Variants in DLG2 observed in about 807,000 individuals in gnomAD.
The protein encoded by DLG2 is disks large homolog 2.
DLG2 carries 45 observed loss-of-function variants against 132.5 expected under a neutral mutation model. The ratio of observed to expected loss-of-function variants is 0.34; its 90% CI spans 0.27 to 0.44. DLG2 has a LOEUF of 0.44. Among genes scored for constraint, DLG2 ranks in the 20% least tolerant of loss-of-function variants. The pLI, the probability that DLG2 is intolerant of heterozygous loss-of-function variation, is 1.00. For synonymous variants in DLG2, 424 were observed against 419.6 expected (o/e 1.01, Z -0.13); for missense variants, 1,045 against 1,196.9 (o/e 0.87, Z 1.87).
intron 6 of DLG2, among the ~76,000 whole-genome samples, chr11:84,661,743 G>A (rs2154548033): frequency 6.6e-6 from 1 of 152,210 alleles, no homozygotes; most frequent in South Asian, 2.1e-4. Flanking sequence ...GATTCAGAGA[G>A]ACTGAGAGAG....
intron 22 of DLG2, among the ~76,000 whole-genome samples, chr11:83,474,332 G>A (rs1359132099): frequency 4.6e-5 from 7 of 152,106 alleles, no homozygotes; most frequent in African/African-American, 1.4e-4. Flanking sequence ...AAGCCTGAGC[G>A]ATGTAGAGGG....
chr11:83,811,264 C>T (rs971189403), intron 17 of DLG2, among the ~76,000 whole-genome samples: 1 of 152,018 alleles, frequency 6.6e-6, no homozygotes, highest in African/African-American at 2.4e-5. Flanking sequence ...GTTTAAGCAC[C>T]CTTTTCAAAT....
rs200672667 is a variant in DLG2 at position 83,794,437 on chromosome 11, GTTTTTTTTT to G, written c.1723-7654_1723-7646del. 3.9e-5 allele frequency among the ~76,000 whole-genome samples: 5 copies of G among 127,498 alleles called. No homozygotes were observed. The East Asian group carries it at 9.6e-4, about 24-fold the overall frequency. The allele number at this position is 127,498 out of a possible 152,430, so 83.6% of individuals were successfully genotyped here. A position where few individuals can be genotyped will look rare whatever the true frequency, so the allele number is the denominator to read the frequency against. On this transcript the variant is annotated intron_variant, in intron 17 of 27. Transcript: ENST00000376104. ...ACACAGCCTCATATATTTACTATTG[GTTTTTTTTT>G]TTTTTTTTTTTTTTTTTGCTTCAGT...
At chr11:85,274,594 AG>A (rs2077767468) in intron 4 of DLG2, among the ~76,000 whole-genome samples, 1 of 152,178 alleles carries the variant, frequency 6.6e-6, no homozygotes, top group Non-Finnish European at 1.5e-5. Flanking sequence ...CTCCAAATGA[AG>A]GGTTCACAAG....
At chr11:85,220,637 A>T (rs11234322) in intron 4 of DLG2, among the ~76,000 whole-genome samples, 20,352 of 148,226 alleles carry the variant, frequency 0.14, 1,765 homozygotes, top group African/African-American at 0.25. Context: ...TAGAAAAAAA[A>T]ATATATATAT....
intron 7 of DLG2, among the ~76,000 whole-genome samples, chr11:84,270,564 G>A (rs1321512844): frequency 1.3e-5 from 2 of 152,160 alleles, no homozygotes; most frequent in Non-Finnish European, 2.9e-5. Context: ...ATCATGACTT[G>A]AGATTTTATG....
chr11:85,375,050 C>T (rs768510686), intron 3 of DLG2, among the ~76,000 whole-genome samples: 13 of 151,840 alleles, frequency 8.6e-5, no homozygotes, highest in Non-Finnish European at 1.9e-4. Flanking sequence ...CTTCTTTATT[C>T]CTTTTCATTT....
At chr11:84,631,016 T>TCACACA (rs1465732821) in intron 6 of DLG2, among the ~76,000 whole-genome samples, 1 of 122,492 alleles carries the variant, frequency 8.2e-6, no homozygotes, top group African/African-American at 3.6e-5. Flanking sequence ...TCTCTCTCTC[T>TCACACA]CTCACACACA....
intron 6 of DLG2, chr11:85,021,711 A>G (rs3851176): frequency 0.012 from 10,050 of 841,380 alleles, 96 homozygotes; most frequent in Non-Finnish European, 0.017. Flanking sequence ...ATCAAAAAAA[A>G]TCCCATAGGA....
chr11:84,801,161 T>C (rs2073785182), intron 6 of DLG2, among the ~76,000 whole-genome samples: 1 of 152,166 alleles, frequency 6.6e-6, no homozygotes, highest in African/African-American at 2.4e-5. Flanking sequence ...TTGTTCAATC[T>C]CAGGAAAAAC....
At chr11:84,130,006 C>G (rs990835402) in intron 9 of DLG2, among the ~76,000 whole-genome samples, 1 of 151,962 alleles carries the variant, frequency 6.6e-6, no homozygotes, top group Non-Finnish European at 1.5e-5. Flanking sequence ...ATATTTAGTA[C>G]TATACCAAGT....
intron 11 of DLG2, among the ~76,000 whole-genome samples, chr11:84,020,791 G>T (rs2154076970): frequency 6.6e-6 from 1 of 152,256 alleles, no homozygotes; most frequent in East Asian, 1.9e-4. Context: ...GGCATACAAA[G>T]CCCGTAAATT....
rs549585447 is a variant in DLG2 at position 84,553,655 on chromosome 11, A to G, written c.358-18924T>C. ...CTAGAACTCACGGAGGAGGAACCAT[A>G]AAGGTTAACTTCCTCTCTTGAGATT... On this transcript the variant is annotated intron_variant, in intron 6 of 27. Transcript: ENST00000376104. Among the ~76,000 whole-genome samples the G allele has an allele frequency of 2.6e-5, 4 of 152,312 alleles. No homozygotes were observed. The East Asian group carries it at 7.7e-4, about 29-fold the overall frequency.
intron 7 of DLG2, among the ~76,000 whole-genome samples, chr11:84,278,468 GATC>G (rs1413972906): frequency 1.1e-4 from 1 of 9,220 alleles, no homozygotes; most frequent in Non-Finnish European, 2.1e-4. Flanking sequence ...ATACTTTCCA[GATC>G]ATTTTTTTTT....
intron 19 of DLG2, among the ~76,000 whole-genome samples, chr11:83,560,468 A>G (rs1255715627): frequency 6.6e-6 from 1 of 151,502 alleles, no homozygotes; most frequent in Non-Finnish European, 1.5e-5. Flanking sequence ...GAACATGGAG[A>G]GTTGAGAGTC....
At position 83,904,405 on chromosome 11, in the gene DLG2, T is replaced by C. The variant is rs549441108; in HGVS notation, c.1496+25923A>G. On this transcript the variant is annotated intron_variant, in intron 15 of 27. Transcript: ENST00000376104. ...ACAATTTGAAAAAAAAAGTTTATGATGTAAAAGAATGAAGTAAAAGATGTA... is the reference window on the plus strand; with the variant it reads ...ACAATTTGAAAAAAAAAGTTTATGACGTAAAAGAATGAAGTAAAAGATGTA... Among the ~76,000 whole-genome samples, 158 of 152,256 alleles carry C rather than the reference T, an allele frequency of 1.0e-3. 2 individuals carry two copies. The highest frequency in any genetic ancestry group is 3.7e-3 in the African/African-American group (153 of 41,564).
At chr11:84,555,711 A>G (rs1421489861) in intron 6 of DLG2, among the ~76,000 whole-genome samples, 1 of 152,206 alleles carries the variant, frequency 6.6e-6, no homozygotes, top group Admixed American at 6.5e-5. Context: ...CAGATTTACA[A>G]GAGGAAGAAG....
intron 7 of DLG2, among the ~76,000 whole-genome samples, chr11:84,385,229 C>A (rs1186737178): frequency 2.6e-5 from 4 of 151,928 alleles, no homozygotes; most frequent in Non-Finnish European, 5.9e-5. Context: ...TTTTTTTAAT[C>A]TCTTTAAAGA....
At chr11:84,055,467 T>C (rs1007744279) in intron 11 of DLG2, among the ~76,000 whole-genome samples, 10 of 152,086 alleles carry the variant, frequency 6.6e-5, no homozygotes, top group Non-Finnish European at 1.5e-4. Context: ...AATCTTCAAA[T>C]ATGGTGAACA....
Sources: allele counts gnomAD v4.1 joint callset (sites outside exome capture counted in the v4.1 genomes callset), GRCh38; gene constraint gnomAD v4.1.1; transcripts MANE v1.5; gene names NCBI Gene and HGNC (gene_info 2026-07-23, HGNC 2026-07-21).